The following NOX4 variants were observed in gnomAD, a reference collection of about 807,000 sequenced individuals.
The protein encoded by NOX4 is NADPH oxidase 4.
Under a neutral mutation model 87.6 loss-of-function variants are expected in NOX4, and 69 were observed. The ratio of observed to expected loss-of-function variants is 0.79; its 90% CI spans 0.65 to 0.96. The LOEUF (loss-of-function observed/expected upper bound fraction) is 0.96, where lower values mean the gene tolerates loss of function less well. Ranked by LOEUF, NOX4 falls within the 40% of genes least tolerant of loss-of-function variation. The pLI, the probability that NOX4 is intolerant of heterozygous loss-of-function variation, is 0.00. For missense variants in NOX4, 680 were observed against 681.5 expected (o/e 1.00, Z 0.02); for synonymous variants, 275 against 238.2 (o/e 1.15, Z -1.42).
At chr11:89,575,269 TAGTA>T in the NOX4 span, among the ~76,000 whole-genome samples, 68,359 of 151,642 alleles carry the variant, frequency 0.45, 15,499 homozygotes, top group East Asian at 0.54. Context: ...AGGTACATTG[TAGTA>T]AGTGTTTAAT....
chr11:89,446,259 G>A (rs1357362032), intron 4 of NOX4, among the ~76,000 whole-genome samples: 1 of 152,104 alleles, frequency 6.6e-6, no homozygotes, highest in Admixed American at 6.6e-5. Context: ...TTCATTGCAG[G>A]TGGGGGATGC....
chr11:89,530,633 T>A, the NOX4 span, among the ~76,000 whole-genome samples: 1 of 151,990 alleles, frequency 6.6e-6, no homozygotes, highest in Non-Finnish European at 1.5e-5. Flanking sequence ...CCCAAAGTGT[T>A]GAGATTACAG....
chr11:89,405,323 A>C (rs761187549), intron 8 of NOX4, among the ~76,000 whole-genome samples: 4 of 152,178 alleles, frequency 2.6e-5, no homozygotes, highest in Non-Finnish European at 5.9e-5. Context: ...GGCACGTATT[A>C]TTCTAAAATT....
chr11:89,465,006 A>T (rs957716679), intron 2 of NOX4, among the ~76,000 whole-genome samples: 8 of 152,174 alleles, frequency 5.3e-5, no homozygotes, highest in African/African-American at 1.7e-4. Context: ...CATTTTTGTT[A>T]TACTTTAAGT....
chr11:89,493,761 T>C (rs535198388), upstream of NOX4, among the ~76,000 whole-genome samples: 7 of 148,294 alleles, frequency 4.7e-5, no homozygotes, highest in South Asian at 1.5e-3. Flanking sequence ...ATTATTATTA[T>C]TATTTTAGAT....
At chr11:89,575,257 G>T in the NOX4 span, among the ~76,000 whole-genome samples, 2 of 123,220 alleles carry the variant, frequency 1.6e-5, no homozygotes, top group African/African-American at 5.9e-5. Context: ...ATTAAGAAAT[G>T]GAGGTACATT....
chr11:89,562,395 C>A, the NOX4 span, among the ~76,000 whole-genome samples: 1 of 152,106 alleles, frequency 6.6e-6, no homozygotes, highest in East Asian at 1.9e-4. Flanking sequence ...CTCTCCTCTC[C>A]CTTCCCTTCT....
At chr11:89,589,447 A>G in the NOX4 span, 1 of 152,250 alleles carries the variant, frequency 6.6e-6, no homozygotes, top group African/African-American at 2.4e-5. Flanking sequence ...TACATTTTTA[A>G]GCACTTGAAT....
At chr11:89,348,365 A>C (rs1946306187) in intron 13 of NOX4, among the ~76,000 whole-genome samples, 1 of 152,024 alleles carries the variant, frequency 6.6e-6, no homozygotes. Context: ...CAGTGAGCAG[A>C]GATTGTACCA....
chr11:89,474,623 T>G (rs974319935), intron 2 of NOX4, among the ~76,000 whole-genome samples: 1 of 152,034 alleles, frequency 6.6e-6, no homozygotes. Context: ...TCCAGATTAC[T>G]GAATAATATG....
intron 2 of NOX4, among the ~76,000 whole-genome samples, chr11:89,465,974 A>G (rs1383455893): frequency 6.6e-6 from 1 of 152,176 alleles, no homozygotes; most frequent in Admixed American, 6.5e-5. Context: ...ACTTCTGCAC[A>G]GCAAAAGGAT....
In NOX4 at chr11:89,435,677, T is replaced by TA. The variant is rs200940162; in HGVS notation, c.476-2822dup. Among the ~76,000 whole-genome samples the TA allele has an allele frequency of 1.6e-3, 237 of 152,200 alleles. 6 individuals are homozygous for TA. The highest frequency in any genetic ancestry group is 0.011 in the Admixed American group (169 of 15,244). ...AAGACTTAGAGGAAGTAAAATAGTT[T>TA]ACTTCAGTCATTTGAGGATAAAATA... On this transcript the variant is annotated intron_variant, in intron 6 of 17. Transcript: ENST00000263317.
intron 4 of NOX4, among the ~76,000 whole-genome samples, chr11:89,445,791 A>C (rs1944677306): frequency 6.6e-6 from 1 of 152,164 alleles, no homozygotes. Context: ...AAAAGTCTAT[A>C]TGAGCTTGGG....
At chr11:89,474,645 ATGTG>A (rs1014607529) in intron 2 of NOX4, among the ~76,000 whole-genome samples, 2 of 152,058 alleles carry the variant, frequency 1.3e-5, no homozygotes, top group Non-Finnish European at 2.9e-5. Context: ...ACATGTATAT[ATGTG>A]TATCTACATG....
chr11:89,540,785 CTAAAAAA>C, the NOX4 span, among the ~76,000 whole-genome samples: 1 of 48,940 alleles, frequency 2.0e-5, no homozygotes, highest in Non-Finnish European at 3.7e-5. Flanking sequence ...AAGACTCCGT[CTAAAAAA>C]AAAAAAAAAA....
At chr11:89,507,347 C>T in the NOX4 span, among the ~76,000 whole-genome samples, 9 of 151,250 alleles carry the variant, frequency 6.0e-5, no homozygotes, top group Non-Finnish European at 1.0e-4. Context: ...AGTAAAGTTA[C>T]GTGTGTGTAT....
At chr11:89,456,401 G>T (rs1268593429) in intron 2 of NOX4, among the ~76,000 whole-genome samples, 1 of 152,038 alleles carries the variant, frequency 6.6e-6, no homozygotes, top group Non-Finnish European at 1.5e-5. Context: ...AAGAAAGTAG[G>T]ACAAGACCCA....
the NOX4 span, among the ~76,000 whole-genome samples, chr11:89,552,101 A>G: frequency 6.6e-6 from 1 of 152,324 alleles, no homozygotes; most frequent in East Asian, 1.9e-4. Flanking sequence ...TTAAAATGTT[A>G]TCTGTTCCTC....
chr11:89,544,650 T>C, the NOX4 span, among the ~76,000 whole-genome samples: 1 of 152,236 alleles, frequency 6.6e-6, no homozygotes, highest in East Asian at 1.9e-4. Flanking sequence ...AAAAGATGAA[T>C]CTTAGAGTCT....
Sources: gnomAD v4.1 joint callset for allele counts (sites outside exome capture counted in the v4.1 genomes callset) on GRCh38, gnomAD v4.1.1 for gene constraint, MANE v1.5 for transcripts, NCBI Gene and HGNC (gene_info 2026-07-23, HGNC 2026-07-21) for gene names.